The following KSR2 variants were observed in gnomAD, a reference collection of about 807,000 sequenced individuals.
The protein encoded by KSR2 is kinase suppressor of ras 2.
KSR2 carries 25 observed loss-of-function variants against 107.8 expected under a neutral mutation model. That is an observed-to-expected ratio of 0.23 (90% CI 0.17 to 0.32). The LOEUF (loss-of-function observed/expected upper bound fraction) is 0.32, where lower values mean the gene tolerates loss of function less well. KSR2 is among the 10% of genes least tolerant of loss of function. The pLI is 1.00. For synonymous variants in KSR2, 480 were observed against 507.0 expected, an observed-to-expected ratio of 0.95 and a Z score of 0.71; for missense variants, 887 against 1,268.9, an observed-to-expected ratio of 0.70 and a Z score of 4.57.
Position 117,674,037 on chromosome 12 carries a change from G to A in KSR2, c.987-6379C>T, listed in dbSNP as rs148238956. Among the ~76,000 whole-genome samples the A allele has an allele frequency of 5.3e-5, 8 of 152,320 alleles. No individual in the cohort carries two copies. The East Asian group carries it at 5.8e-4, about 11-fold the overall frequency. ...GGCTAAGCCAAGGCTGCACATCTGT[G>A]TTAGGGAAAGACACTCAGCTCCAGG... On this transcript the variant is annotated intron_variant, in intron 4 of 19. Transcript: ENST00000339824.
chr12:117,858,424 C>T (rs1476655875), intron 2 of KSR2, among the ~76,000 whole-genome samples: 3 of 151,860 alleles, frequency 2.0e-5, no homozygotes, highest in Admixed American at 6.6e-5. Context: ...CGAGATTGCG[C>T]GTGGTCTGAT....
rs1871116923 is a variant in KSR2 at position 117,465,762 on chromosome 12, C to T, written c.*1437G>A. The T allele has an allele frequency of 9.5e-6, 1 of 105,042 alleles. No homozygotes were observed. The highest frequency in any genetic ancestry group is 2.7e-5 in the African/African-American group (1 of 37,060). The allele number at this position is 105,042 out of a possible 1,614,324, so 6.5% of individuals were successfully genotyped here. ...CGCCCTGGGCTTCCTGTTCACTGCC[C>T]AGATAATCCTGCTATTGCTCTGCTT... On this transcript the variant is annotated 3_prime_UTR_variant, in exon 20 of 20. Transcript: ENST00000339824.
intron 5 of KSR2, among the ~76,000 whole-genome samples, chr12:117,646,533 A>G (rs967473073): frequency 2.0e-5 from 3 of 152,164 alleles, no homozygotes; most frequent in Non-Finnish European, 2.9e-5. Flanking sequence ...TAGGGTTTCC[A>G]GAGAAAGCTG....
intron 12 of KSR2, among the ~76,000 whole-genome samples, chr12:117,528,502 T>C (rs1248107588): frequency 6.6e-6 from 1 of 152,036 alleles, no homozygotes; most frequent in Non-Finnish European, 1.5e-5. Context: ...TTGCAGGAAG[T>C]GGCTGACTCC....
chr12:117,968,057 T>TTA lies in KSR2; in HGVS notation c.180+18_180+19insTA. 4.2e-6 allele frequency: 3 copies of TTA among 722,668 alleles called. No individual in the cohort carries two copies. The highest frequency in any genetic ancestry group is 6.3e-6 in the Non-Finnish European group (3 of 472,696). 44.8% of individuals were successfully genotyped at this position (722,668 alleles called of 1,614,324 possible). ...TTTTTTTTTTTTTTTTTTTTTTTTT[T>TTA]CCCGTAGGCAACACCTACCTCCAGG... On this transcript the variant is annotated intron_variant, in intron 1 of 19. Transcript: ENST00000339824.
intron 7 of KSR2, among the ~76,000 whole-genome samples, chr12:117,568,472 C>T (rs1268268090): frequency 1.3e-5 from 2 of 152,080 alleles, no homozygotes; most frequent in Non-Finnish European, 2.9e-5. Context: ...GCCCTTTGCC[C>T]GTGTAAAGCG....
intron 3 of KSR2, among the ~76,000 whole-genome samples, chr12:117,836,856 G>T (rs1258554038): frequency 6.6e-6 from 1 of 152,226 alleles, no homozygotes; most frequent in Non-Finnish European, 1.5e-5. Flanking sequence ...GCAGCTGGGG[G>T]TGCCCCAGGC....
chr12:117,889,597 A>T (rs1349779435), intron 1 of KSR2: 1 of 152,168 alleles, frequency 6.6e-6, no homozygotes, highest in African/African-American at 2.4e-5. Flanking sequence ...AAAGGTAAAA[A>T]ACATTTGTAT....
intron 5 of KSR2, among the ~76,000 whole-genome samples, chr12:117,588,697 T>C (rs1339227367): frequency 6.6e-6 from 1 of 152,152 alleles, no homozygotes; most frequent in Non-Finnish European, 1.5e-5. Flanking sequence ...CTCTGTGTGG[T>C]AGGGAAGAAA....
At chr12:117,906,275 C>G (rs1160515027) in intron 1 of KSR2, among the ~76,000 whole-genome samples, 1 of 150,594 alleles carries the variant, frequency 6.6e-6, no homozygotes, top group Non-Finnish European at 1.5e-5. Flanking sequence ...ATTGCTTGAA[C>G]CTGGGAGGCA....
At chr12:117,856,478 T>C (rs1185289739) in intron 2 of KSR2, among the ~76,000 whole-genome samples, 1 of 152,208 alleles carries the variant, frequency 6.6e-6, no homozygotes, top group Non-Finnish European at 1.5e-5. Flanking sequence ...GTTTTTTGTT[T>C]ATTTGTTTGT....
chr12:117,771,867 C>T (rs1388356613), intron 3 of KSR2, among the ~76,000 whole-genome samples: 2 of 151,044 alleles, frequency 1.3e-5, no homozygotes, highest in Non-Finnish European at 3.0e-5. Flanking sequence ...TCACACATAC[C>T]ACTCCCCCAA....
chr12:117,762,806 T>C (rs1889088388), intron 3 of KSR2, among the ~76,000 whole-genome samples: 1 of 151,668 alleles, frequency 6.6e-6, no homozygotes, highest in African/African-American at 2.4e-5. Context: ...AGGCAGAGGT[T>C]GCAGTGAGCT....
intron 4 of KSR2, among the ~76,000 whole-genome samples, chr12:117,702,504 A>G (rs1886369561): frequency 6.6e-6 from 1 of 152,208 alleles, no homozygotes; most frequent in African/African-American, 2.4e-5. Context: ...CATCAAACTG[A>G]AAAAGGAAGG....
intron 4 of KSR2, among the ~76,000 whole-genome samples, chr12:117,741,082 G>A (rs1005166317): frequency 9.9e-5 from 15 of 152,266 alleles, no homozygotes; most frequent in African/African-American, 3.6e-4. Flanking sequence ...AAGAAAGATG[G>A]GAACATGTTT....
In KSR2 at chr12:117,951,801, G is replaced by A. The variant is rs189790357; in HGVS notation, c.180+16275C>T. 4.5e-4 allele frequency among the ~76,000 whole-genome samples: 68 copies of A among 152,238 alleles called. No individual in the cohort carries two copies. The Middle Eastern group carries it at 0.02, about 46-fold the overall frequency. On this transcript the variant is annotated intron_variant, in intron 1 of 19. Transcript: ENST00000339824. ...CAGAGAGCAAAATCAAAGGAGGGAG[G>A]TTCCCAGGAAGCGAATCCAACTCAA...
intron 4 of KSR2, among the ~76,000 whole-genome samples, chr12:117,731,446 C>G (rs372301825): frequency 2.2e-5 from 3 of 137,454 alleles, no homozygotes; most frequent in African/African-American, 8.8e-5. Flanking sequence ...GCCACCGCCC[C>G]GTCCGGGAGG....
chr12:117,951,292 CTTG>C (rs1896358189), intron 1 of KSR2, among the ~76,000 whole-genome samples: 1 of 152,112 alleles, frequency 6.6e-6, no homozygotes, highest in Non-Finnish European at 1.5e-5. Context: ...AAGCATATTT[CTTG>C]TTGAGTTTAT....
chr12:117,798,452 G>A (rs536512166), intron 3 of KSR2, among the ~76,000 whole-genome samples: 4 of 152,276 alleles, frequency 2.6e-5, no homozygotes, highest in South Asian at 2.1e-4. Context: ...GGGCAACATG[G>A]TGAAACCCCA....
Sources: allele counts gnomAD v4.1 joint callset (sites outside exome capture counted in the v4.1 genomes callset), GRCh38; gene constraint gnomAD v4.1.1; transcripts MANE v1.5; gene names NCBI Gene and HGNC (gene_info 2026-07-23, HGNC 2026-07-21).